The following COL7A1 variants were observed in gnomAD, a reference collection of about 807,000 sequenced individuals.
COL7A1 encodes collagen type VII alpha 1 chain, also known as collagen alpha-1(VII) chain.
Under a neutral mutation model 456.2 loss-of-function variants are expected in COL7A1, and 296 were observed. The ratio of observed to expected loss-of-function variants is 0.65; its 90% confidence interval spans 0.59 to 0.71. The LOEUF (loss-of-function observed/expected upper bound fraction) is 0.71, where lower values mean the gene tolerates loss of function less well. Ranked by LOEUF, COL7A1 falls within the 30% of genes least tolerant of loss-of-function variation. The probability of loss-of-function intolerance (pLI) is 0.00; values close to 1 mark genes in which losing one functional copy is unlikely to be tolerated. For synonymous variants in COL7A1, 1,464 were observed against 1,525.9 expected (o/e 0.96, Z 0.95); for missense variants, 3,441 against 4,017.2 (o/e 0.86, Z 3.88).
chr3:48,595,026 G>A (rs2045980790), intron 2 of COL7A1, 49 bp downstream of exon 2: 1 of 1,422,142 alleles, frequency 7.0e-7, no homozygotes, highest in South Asian at 1.2e-5. Context: ...TGGAGCGGAG[G>A]GTGGCACGGT....
At position 48,571,116 on chromosome 3, in the gene COL7A1, G is replaced by A; in HGVS notation, c.7149C>T (p.Gly2383=). 1 of 1,613,928 alleles carries A rather than the reference G, an allele frequency of 6.2e-7. No homozygotes were observed. ...VGVPGSPGPP[G]PPGVKGDLGL... Reference sequence around the variant, plus strand: ...ATTGACTTACCTTCACACCTGGAGGGCCAGGAGGCCCAGGGGAGCCCGGGA... The same window carrying A: ...ATTGACTTACCTTCACACCTGGAGGACCAGGAGGCCCAGGGGAGCCCGGGA... The change falls in exon 94 of 119, where the codon GGC becomes GGT. Residue 2383 remains glycine (G), a synonymous_variant. Coordinates refer to ENST00000681320, the MANE Select transcript of COL7A1 (RefSeq NM_000094.4). The surrounding 1 kb of genome is among the most constrained non-coding windows in gnomAD (Gnocchi z 4.6).
At position 48,585,993 on chromosome 3, in the gene COL7A1, CTT is replaced by C; in HGVS notation, c.3724-20_3724-19del. 1 of 1,613,818 alleles carries C rather than the reference CTT, an allele frequency of 6.2e-7. No homozygotes were observed. Among genetic ancestry groups the C allele is most frequent in the Non-Finnish European group, 8.5e-7 (1 of 1,180,024 alleles). On this transcript the variant is annotated intron_variant, in intron 28 of 118. Coordinates refer to ENST00000681320, the MANE Select transcript of COL7A1 (RefSeq NM_000094.4). The surrounding 1 kb of genome is among the most constrained non-coding windows in gnomAD (Gnocchi z 4.5). ...GGCCGGGGCTGCGGACATAGGGTCT[CTT>C]TGAGGTTGAACATTTCTACCAAGAA...
In COL7A1 at chr3:48,567,229, C is replaced by T. The variant is rs1260249312; in HGVS notation, c.8047-39G>A. Reference sequence around the variant, plus strand: ...AAGCATGAGAGACCTTCTGCCCTGACCTCCCTCAGCTCTGGAACCTCCCTG... The same window carrying T: ...AAGCATGAGAGACCTTCTGCCCTGATCTCCCTCAGCTCTGGAACCTCCCTG... On this transcript the variant is annotated intron_variant, in intron 109 of 118. Transcript: ENST00000681320. This position sits in a 1 kb window ranked among gnomAD's most constrained non-coding sequence, Gnocchi z 4.3. 5 of 1,611,156 alleles carry T rather than the reference C, an allele frequency of 3.1e-6. No individual in the cohort carries two copies. Among genetic ancestry groups the T allele is most frequent in the South Asian group, 1.1e-5 (1 of 91,056 alleles).
rs752837490 is a variant in COL7A1, at chr3:48,593,647, C to T, written c.316G>A (p.Ala106Thr). Residue 106 changes from alanine (A) to threonine (T), a missense_variant, in exon 4 of 119, where the codon GCC (alanine) becomes ACC (threonine). By Grantham distance (58) the Ala-to-Thr change is moderately conservative. Around this residue, in one of 3 missense-constraint regions of COL7A1, gnomAD observed 913 missense variants for 1,088.2 expected, o/e 0.84. Coordinates refer to ENST00000681320, the MANE Select transcript of COL7A1 (RefSeq NM_000094.4). The surrounding 1 kb of genome is among the most constrained non-coding windows in gnomAD (Gnocchi z 4.4). The part of the protein sequence containing the change: ...ALGSGGDVIR[A>T]IRELSYKGGN... ...CCCTTGTAGCTAAGCTCACGGATGG[C>T]GCGGATCACATCACCCCCAGAGCCA... 2.5e-6 allele frequency: 4 copies of T among 1,614,196 alleles called. No individual in the cohort carries two copies. Among genetic ancestry groups the T allele is most frequent in the East Asian group, 4.5e-5 (2 of 44,886 alleles).
chr3:48,589,218 A>G (rs1216534824), intron 18 of COL7A1, 109 bp downstream of exon 18: 5 of 1,548,660 alleles, frequency 3.2e-6, no homozygotes, highest in East Asian at 2.3e-5. Context: ...GTCAGTGTGG[A>G]CAGGACAGTC....
At position 48,566,024 on chromosome 3, in the gene COL7A1, TCCCACTCCCCACA is replaced by T. The variant is rs1489498024; in HGVS notation, c.8407+230_8407+242del. On this transcript the variant is annotated intron_variant, in intron 114 of 118. Coordinates refer to ENST00000681320, the MANE Select transcript of COL7A1 (RefSeq NM_000094.4). The surrounding 1 kb of genome is among the most constrained non-coding windows in gnomAD (Gnocchi z 5.9). ...GGGACCAGCTCTGCTCCCACCATCA[TCCCACTCCCCACA>T]CAGCCAAGCTGGACATCTGAGAGCA... Among the ~76,000 whole-genome samples, 36 of 152,148 alleles carry T rather than the reference TCCCACTCCCCACA, an allele frequency of 2.4e-4. No homozygotes were observed. Among genetic ancestry groups the T allele is most frequent in the African/African-American group, 8.4e-4 (35 of 41,514 alleles).
Position 48,586,589 on chromosome 3 carries a change from T to C in COL7A1, c.3377A>G (p.Tyr1126Cys), listed in dbSNP as rs748084837. The change falls in exon 26 of 119, where the codon TAC (tyrosine) becomes TGC (cysteine). Residue 1126 changes from tyrosine (Y) to cysteine (C), a missense_variant. Physicochemically the swap from Tyr to Cys is radical, Grantham distance 194. Around this residue, in one of 3 missense-constraint regions of COL7A1, gnomAD observed 2,084 missense variants for 2,501.3 expected, o/e 0.83. Transcript: ENST00000681320. This position sits in a 1 kb window ranked among gnomAD's most constrained non-coding sequence, Gnocchi z 5.1. ...CAGGTTGTTCCCACTTGGGTCCATG[T>C]AGGGCATGTCACGGATCCTTTGCAA... ...IILQRIRDMP[Y>C]MDPSGNNLGT... The C allele has an allele frequency of 6.2e-7, 1 of 1,613,750 alleles. No homozygotes were observed. Among genetic ancestry groups the C allele is most frequent in the South Asian group, 1.1e-5 (1 of 91,090 alleles).
Position 48,595,165 on chromosome 3 carries a change from G to A in COL7A1, c.-1-5C>T. On this transcript the variant is annotated splice_region_variant and splice_polypyrimidine_tract_variant and intron_variant, in intron 1 of 118. Transcript: ENST00000681320. ...ACCAGAAGCCGCAGCGTCATCCTAG[G>A]CAGTAAAAGCCGTCAGCTAGGACCC... is the stretch of plus-strand genomic sequence containing the variant. 1 of 1,550,818 alleles carries A rather than the reference G, an allele frequency of 6.4e-7. No homozygotes were observed. The highest frequency in any genetic ancestry group is 8.7e-7 in the Non-Finnish European group (1 of 1,147,192).
Position 48,573,687 on chromosome 3 carries a change from C to T in COL7A1, c.6573+3G>A. 2 of 1,612,878 alleles carry T rather than the reference C, an allele frequency of 1.2e-6. No homozygotes were observed. The highest frequency in any genetic ancestry group is 1.7e-6 in the Non-Finnish European group (2 of 1,179,406). On this transcript the variant is annotated splice_donor_region_variant and intron_variant, in intron 82 of 118. Transcript: ENST00000681320. This position sits in a 1 kb window ranked among gnomAD's most constrained non-coding sequence, Gnocchi z 5.5. ...CACCAGGCAGTGTTCCCTGGTCACT[C>T]ACCGGGGCACCAGGTGGTCCAGGGT... is the stretch of plus-strand genomic sequence containing the variant.
rs375022221 is a variant in COL7A1, at chr3:48,580,036, G to A, written c.5119C>T (p.Arg1707Trp). 4.5e-5 allele frequency: 73 copies of A among 1,613,840 alleles called. No individual in the cohort carries two copies. The highest frequency in any genetic ancestry group is 5.5e-5 in the Non-Finnish European group (65 of 1,179,960). The part of the protein sequence containing the change: ...GEPGPPGPPG[R>W]LVDTGPGARE... ...AGACCCAGCGCAGCCCTTACCAGCC[G>A]TCCCGGGGGTCCTGGGGGACCCTGG... Residue 1707 changes from arginine to tryptophan, a missense_variant, in exon 57 of 119, where the codon CGG becomes TGG. Arg to Trp is a moderately radical substitution (Grantham distance 101). Around this residue, in one of 3 missense-constraint regions of COL7A1, gnomAD observed 2,084 missense variants for 2,501.3 expected, o/e 0.83. Coordinates refer to ENST00000681320, the MANE Select transcript of COL7A1 (RefSeq NM_000094.4). This position sits in a 1 kb window ranked among gnomAD's most constrained non-coding sequence, Gnocchi z 4.5.
Position 48,567,076 on chromosome 3 carries a change from C to T in COL7A1, c.8109+52G>A, listed in dbSNP as rs1185207037. On this transcript the variant is annotated intron_variant, in intron 110 of 118. Coordinates refer to ENST00000681320, the MANE Select transcript of COL7A1 (RefSeq NM_000094.4). This position sits in a 1 kb window ranked among gnomAD's most constrained non-coding sequence, Gnocchi z 4.3. ...ATCAGAGGCCCCAGAGATGGACCCT[C>T]TCCCAAAGTGCACGCTCCCCTCAAT... is the stretch of plus-strand genomic sequence containing the variant. The T allele has an allele frequency of 6.2e-7, 1 of 1,613,310 alleles. No homozygotes were observed. Among genetic ancestry groups the T allele is most frequent in the African/African-American group, 1.3e-5 (1 of 74,914 alleles).
Position 48,566,012 on chromosome 3 carries a change from C to T in COL7A1, c.8407+255G>A, listed in dbSNP as rs2107629592. 6.6e-6 allele frequency among the ~76,000 whole-genome samples: 1 copy of T among 152,256 alleles called. No homozygotes were observed. Among genetic ancestry groups the T allele is most frequent in the African/African-American group, 2.4e-5 (1 of 41,546 alleles). On this transcript the variant is annotated intron_variant, in intron 114 of 118. Transcript: ENST00000681320. The surrounding 1 kb of genome is among the most constrained non-coding windows in gnomAD (Gnocchi z 5.9). The stretch of plus-strand genomic sequence containing the variant: ...GTCAGGCCCAAGGGGACCAGCTCTG[C>T]TCCCACCATCATCCCACTCCCCACA...
chr3:48,592,552 G>C lies in COL7A1; in HGVS notation c.976+18C>G. 6.2e-7 allele frequency: 1 copy of C among 1,613,856 alleles called. No individual in the cohort carries two copies. The highest frequency in any genetic ancestry group is 8.5e-7 in the Non-Finnish European group (1 of 1,180,020). ...GGGGGTTAGGTGAATGGGGTCAGAGGCTGGCAGAATTGCTCACTGGTCCGA... is the reference window on the plus strand; with the variant it reads ...GGGGGTTAGGTGAATGGGGTCAGAGCCTGGCAGAATTGCTCACTGGTCCGA... On this transcript the variant is annotated intron_variant, in intron 8 of 118. Transcript: ENST00000681320. This position sits in a 1 kb window ranked among gnomAD's most constrained non-coding sequence, Gnocchi z 7.6.
At position 48,567,526 on chromosome 3, in the gene COL7A1, T is replaced by C; in HGVS notation, c.8046+48A>G. On this transcript the variant is annotated intron_variant, in intron 109 of 118. Transcript: ENST00000681320. The surrounding 1 kb of genome is among the most constrained non-coding windows in gnomAD (Gnocchi z 4.3). ...CCCATGACCCGACCATGAGCTTCCC[T>C]GCCCCATCCTGACTCCCTGTCATGT... The C allele has an allele frequency of 6.2e-7, 1 of 1,612,302 alleles. No individual in the cohort carries two copies. The highest frequency in any genetic ancestry group is 1.7e-4 in the Middle Eastern group (1 of 6,054).
chr3:48,573,387 TGGCCAG>T lies in COL7A1; in HGVS notation c.6619-45_6619-40del, dbSNP rs779187823. The T allele has an allele frequency of 1.2e-5, 19 of 1,613,970 alleles. No individual in the cohort carries two copies. The African/African-American group carries it at 2.0e-4, about 17-fold the overall frequency. On this transcript the variant is annotated intron_variant, in intron 83 of 118. Transcript: ENST00000681320. This position sits in a 1 kb window ranked among gnomAD's most constrained non-coding sequence, Gnocchi z 5.5. ...AGAGACTGCATGAGCAGAGCCCACGTGGCCAGGGCTCCTGGAGCTCATCCTCATTGC... is the reference window on the plus strand; with the variant it reads ...AGAGACTGCATGAGCAGAGCCCACGTGGCTCCTGGAGCTCATCCTCATTGC...
At position 48,566,505 on chromosome 3, in the gene COL7A1, C is replaced by G. The variant is rs757600293; in HGVS notation, c.8358+5G>C. ...CCTCCCAGGCCCATCCAGGCCCACA[C>G]TCACCGTCAGTGCAGCTTCTCCCTT... On this transcript the variant is annotated splice_donor_5th_base_variant and intron_variant, in intron 113 of 118. Coordinates refer to ENST00000681320, the MANE Select transcript of COL7A1 (RefSeq NM_000094.4). The surrounding 1 kb of genome is among the most constrained non-coding windows in gnomAD (Gnocchi z 5.9). 3 of 1,614,060 alleles carry G rather than the reference C, an allele frequency of 1.9e-6. No individual in the cohort carries two copies. The South Asian group carries it at 3.3e-5, about 18-fold the overall frequency.
rs752044925 is a variant in COL7A1, at chr3:48,587,468, C to A, written c.2944G>T (p.Ala982Ser). ...VTLAWTPVSR[A>S]SSYILSWRPL... ...CGCCAGGATAGGATGTAGCTGGATGCCCTGGACACTGGAGTCCAGGCCAAA... is the reference window on the plus strand; with the variant it reads ...CGCCAGGATAGGATGTAGCTGGATGACCTGGACACTGGAGTCCAGGCCAAA... The change falls in exon 23 of 119, where the codon GCA (alanine) becomes TCA (serine). Residue 982 changes from alanine (A) to serine (S), a missense_variant. Around this residue, in one of 3 missense-constraint regions of COL7A1, gnomAD observed 444 missense variants for 427.6 expected, o/e 1.04. Coordinates refer to ENST00000681320, the MANE Select transcript of COL7A1 (RefSeq NM_000094.4). This position sits in a 1 kb window ranked among gnomAD's most constrained non-coding sequence, Gnocchi z 6.1. 6.2e-7 allele frequency: 1 copy of A among 1,613,272 alleles called. No individual in the cohort carries two copies. The highest frequency in any genetic ancestry group is 1.1e-5 in the South Asian group (1 of 91,086).
Position 48,578,553 on chromosome 3 carries a change from A to C in COL7A1, c.5425-38T>G. 1 of 1,605,516 alleles carries C rather than the reference A, an allele frequency of 6.2e-7. No individual in the cohort carries two copies. The highest frequency in any genetic ancestry group is 8.5e-7 in the Non-Finnish European group (1 of 1,175,314). ...TTTGTTAAGATTTATAGGGCCTCTG[A>C]GATATCCCTTGGGGCACACCCCATG... is the stretch of plus-strand genomic sequence containing the variant. On this transcript the variant is annotated intron_variant, in intron 63 of 118. Transcript: ENST00000681320. The surrounding 1 kb of genome is among the most constrained non-coding windows in gnomAD (Gnocchi z 4.7).
Position 48,587,727 on chromosome 3 carries a change from C to T in COL7A1, c.2857+66G>A, listed in dbSNP as rs1474517613. On this transcript the variant is annotated intron_variant, in intron 22 of 118. Transcript: ENST00000681320. The surrounding 1 kb of genome is among the most constrained non-coding windows in gnomAD (Gnocchi z 6.1). ...GGGTACAGGAGGAGTCACTCAGAGT[C>T]GGGGTGCAGGAAGTCAGGGTGGGTC... 44 of 1,611,440 alleles carry T rather than the reference C, an allele frequency of 2.7e-5. No homozygotes were observed. The highest frequency in any genetic ancestry group is 3.2e-5 in the Non-Finnish European group (38 of 1,178,534).
Sources: gnomAD v4.1 joint callset for allele counts (sites outside exome capture counted in the v4.1 genomes callset) on GRCh38, gnomAD v4.1.1 for gene constraint, gnomAD v4.1.1 regional missense constraint, Gnocchi (gnomAD v3.1) non-coding constraint, MANE v1.5 for transcripts, NCBI Gene and HGNC (gene_info 2026-07-23, HGNC 2026-07-21) for gene names.